Variants in SGCD observed in about 807,000 individuals in gnomAD.
SGCD encodes the protein sarcoglycan delta.
In SGCD, 18 loss-of-function variants were observed where a neutral mutation model predicts 36.6. That is an observed-to-expected ratio of 0.49 (90% CI 0.34 to 0.73). The LOEUF is 0.73. Ranked by LOEUF, SGCD falls within the 30% of genes least tolerant of loss-of-function variation. SGCD has a pLI of 0.01. For synonymous variants in SGCD, 133 were observed against 130.6 expected, an observed-to-expected ratio of 1.02 and a Z score of -0.12; for missense variants, 387 against 346.7, an observed-to-expected ratio of 1.12 and a Z score of -0.92.
chr5:156,216,256 C>G (rs564340321), intron 3 of SGCD, among the ~76,000 whole-genome samples: 12 of 152,174 alleles, frequency 7.9e-5, no homozygotes, highest in Non-Finnish European at 1.6e-4. Flanking sequence ...TAGTGTACAA[C>G]AAGTTACTAC....
chr5:156,745,753 C>G (rs957973141), intron 7 of SGCD, among the ~76,000 whole-genome samples: 1 of 151,870 alleles, frequency 6.6e-6, no homozygotes, highest in Non-Finnish European at 1.5e-5. Context: ...AGAAATGAAA[C>G]AGAATTTCTA....
chr5:156,179,591 A>G (rs1581150588), intron 3 of SGCD, among the ~76,000 whole-genome samples: 1 of 142,918 alleles, frequency 7.0e-6, no homozygotes, highest in African/African-American at 2.6e-5. Flanking sequence ...CCTTCTCCTC[A>G]CCCCAATGAA....
At chr5:156,503,106 T>C (rs2127866062) in intron 3 of SGCD, among the ~76,000 whole-genome samples, 1 of 152,364 alleles carries the variant, frequency 6.6e-6, no homozygotes, top group Non-Finnish European at 1.5e-5. Context: ...AAGATTAAAT[T>C]ACTTATTGCA....
At chr5:156,234,089 A>G (rs560814112) in intron 3 of SGCD, among the ~76,000 whole-genome samples, 24 of 152,288 alleles carry the variant, frequency 1.6e-4, no homozygotes, top group African/African-American at 5.3e-4. Flanking sequence ...AGCTATTCTA[A>G]TAGGTGTTCG....
At chr5:156,515,679 C>T (rs1164324218) in intron 4 of SGCD, among the ~76,000 whole-genome samples, 1 of 152,242 alleles carries the variant, frequency 6.6e-6, no homozygotes, top group African/African-American at 2.4e-5. Context: ...GCCCACGCCA[C>T]CAGGGTCTTG....
intron 3 of SGCD, among the ~76,000 whole-genome samples, chr5:156,268,773 T>C (rs1017680006): frequency 6.6e-6 from 1 of 152,116 alleles, no homozygotes; most frequent in Non-Finnish European, 1.5e-5. Flanking sequence ...TTGTGTTTTA[T>C]AGTAGAGATA....
At chr5:156,013,347 T>G (rs1315451645) in intron 1 of SGCD, among the ~76,000 whole-genome samples, 1 of 152,188 alleles carries the variant, frequency 6.6e-6, no homozygotes, top group East Asian at 1.9e-4. Context: ...AAGTGTTGCT[T>G]TCTTCCTTCA....
At chr5:156,306,309 G>A (rs1303482984) in intron 3 of SGCD, among the ~76,000 whole-genome samples, 1 of 152,244 alleles carries the variant, frequency 6.6e-6, no homozygotes, top group East Asian at 1.9e-4. Flanking sequence ...AGTCTCATGA[G>A]ATCTGATGGT....
intron 1 of SGCD, among the ~76,000 whole-genome samples, chr5:156,077,425 T>A (rs1483784025): frequency 6.6e-6 from 1 of 152,144 alleles, no homozygotes; most frequent in Non-Finnish European, 1.5e-5. Context: ...CTGTTAGTAA[T>A]GAGGCCCAAA....
chr5:155,844,136 T>G, the SGCD span, among the ~76,000 whole-genome samples: 1 of 152,084 alleles, frequency 6.6e-6, no homozygotes, highest in Non-Finnish European at 1.5e-5. Flanking sequence ...AATCAGCTTG[T>G]GAAGGCCTCA....
At chr5:156,129,521 C>T (rs775835845) in intron 3 of SGCD, among the ~76,000 whole-genome samples, 10 of 152,122 alleles carry the variant, frequency 6.6e-5, no homozygotes, top group Admixed American at 1.3e-4. Context: ...AGGGTACATG[C>T]GAAGCTTTGT....
Position 156,061,823 on chromosome 5 carries a change from G to C in SGCD, c.-281-56055G>C, listed in dbSNP as rs1365555816. Among the ~76,000 whole-genome samples, 2 of 144,436 alleles carry C rather than the reference G, an allele frequency of 1.4e-5. 1 individual carries two copies. Among genetic ancestry groups the C allele is most frequent in the Non-Finnish European group, 3.1e-5 (2 of 64,278 alleles). The allele number at this position is 144,436 out of a possible 152,430, so 94.8% of individuals were successfully genotyped here. On this transcript the variant is annotated intron_variant, in intron 1 of 9. Transcript: ENST00000517913. ...TGACAGTTTGGGGACATGTGTTGGA[G>C]TGTTCCTCCAAGTTACATTAATATA...
At chr5:156,663,719 A>G (rs1335236832) in intron 7 of SGCD, among the ~76,000 whole-genome samples, 1 of 147,422 alleles carries the variant, frequency 6.8e-6, no homozygotes, top group African/African-American at 2.6e-5. Flanking sequence ...CCCTGTAGGG[A>G]TTTTTTGTGG....
chr5:155,737,832 G>T, the SGCD span, among the ~76,000 whole-genome samples: 1 of 152,068 alleles, frequency 6.6e-6, no homozygotes, highest in South Asian at 2.1e-4. Flanking sequence ...TTCCCCCCAT[G>T]TAGCATTTTT....
chr5:156,096,846 T>TGG (rs1396161444), intron 1 of SGCD, among the ~76,000 whole-genome samples: 2 of 152,254 alleles, frequency 1.3e-5, no homozygotes, highest in Non-Finnish European at 2.9e-5. Context: ...CTTTCCTTTT[T>TGG]GTTTGGAGAA....
At chr5:156,081,688 C>T (rs1376412076) in intron 1 of SGCD, among the ~76,000 whole-genome samples, 1 of 152,190 alleles carries the variant, frequency 6.6e-6, no homozygotes, top group Non-Finnish European at 1.5e-5. Flanking sequence ...GCCACTGTGC[C>T]CAACCATGTT....
chr5:156,129,509 C>T (rs1762258791), intron 3 of SGCD, among the ~76,000 whole-genome samples: 1 of 152,148 alleles, frequency 6.6e-6, no homozygotes, highest in Admixed American at 6.6e-5. Context: ...ATTTTAGGTT[C>T]AAGGGTACAT....
intron 1 of SGCD, among the ~76,000 whole-genome samples, chr5:156,081,848 T>G (rs1760961404): frequency 6.6e-6 from 1 of 152,166 alleles, no homozygotes; most frequent in African/African-American, 2.4e-5. Flanking sequence ...GCACGGAGGA[T>G]ACAAAAATCA....
intron 1 of SGCD, among the ~76,000 whole-genome samples, chr5:156,043,686 TTTC>T (rs1759691279): frequency 6.6e-6 from 1 of 152,174 alleles, no homozygotes; most frequent in African/African-American, 2.4e-5. Context: ...AAGGAAGAGA[TTTC>T]TTCTTTGTAT....
Sources: gnomAD v4.1 joint callset for allele counts (sites outside exome capture counted in the v4.1 genomes callset) on GRCh38, gnomAD v4.1.1 for gene constraint, MANE v1.5 for transcripts, NCBI Gene and HGNC (gene_info 2026-07-23, HGNC 2026-07-21) for gene names.